The following CNTN4 variants were observed in gnomAD, a reference collection of about 807,000 sequenced individuals.
CNTN4 encodes the protein contactin 4, also known as contactin-4.
A neutral mutation model predicts 122.5 loss-of-function variants in CNTN4; 77 were observed. That is an observed-to-expected ratio of 0.63 (90% confidence interval 0.52 to 0.76). The LOEUF (loss-of-function observed/expected upper bound fraction) is 0.76. Ranked by LOEUF, CNTN4 falls within the 30% of genes least tolerant of loss-of-function variation. The pLI, the probability that CNTN4 is intolerant of heterozygous loss-of-function variation, is 0.00. For synonymous variants in CNTN4, 512 were observed against 447.0 expected, an observed-to-expected ratio of 1.15 and a Z score of -1.83; for missense variants, 1,256 against 1,259.1, an observed-to-expected ratio of 1.00 and a Z score of 0.04.
chr3:2,381,265 C>A (rs965665312), intron 3 of CNTN4, among the ~76,000 whole-genome samples: 1 of 152,178 alleles, frequency 6.6e-6, no homozygotes, highest in Non-Finnish European at 1.5e-5. Context: ...CTCGGCCTCC[C>A]AAAGTGCTGG....
intron 2 of CNTN4, among the ~76,000 whole-genome samples, chr3:2,334,004 C>T (rs183295929): frequency 1.1e-4 from 17 of 152,258 alleles, no homozygotes; most frequent in African/African-American, 4.1e-4. Context: ...AAGGAAAAGC[C>T]TGTTAAATAC....
intron 6 of CNTN4, among the ~76,000 whole-genome samples, chr3:2,799,304 T>G (rs1026797983): frequency 6.6e-6 from 1 of 152,184 alleles, no homozygotes; most frequent in Non-Finnish European, 1.5e-5. Context: ...TTCACTCTGT[T>G]GATTATTTCT....
At chr3:3,025,446 T>A (rs901068981) in intron 14 of CNTN4, among the ~76,000 whole-genome samples, 2 of 152,096 alleles carry the variant, frequency 1.3e-5, no homozygotes, top group Non-Finnish European at 2.9e-5. Flanking sequence ...GACAAAGGAA[T>A]AAACATGCCT....
chr3:2,958,359 A>T (rs2094821286), intron 13 of CNTN4, among the ~76,000 whole-genome samples: 1 of 152,182 alleles, frequency 6.6e-6, no homozygotes, highest in Non-Finnish European at 1.5e-5. Flanking sequence ...GACCCAGGCA[A>T]GGTAAGTTCT....
intron 23 of CNTN4, among the ~76,000 whole-genome samples, chr3:3,052,120 A>C (rs1172591910): frequency 6.6e-6 from 1 of 152,212 alleles, no homozygotes; most frequent in Non-Finnish European, 1.5e-5. Context: ...CATGATGCCT[A>C]TCCCATATTA....
intron 2 of CNTN4, among the ~76,000 whole-genome samples, chr3:2,144,615 C>T (rs1023563283): frequency 2.2e-4 from 34 of 152,132 alleles, no homozygotes; most frequent in African/African-American, 8.2e-4. Context: ...CACAATGACA[C>T]GGATTACCGA....
At chr3:2,867,427 CA>C (rs2093736472) in intron 8 of CNTN4, among the ~76,000 whole-genome samples, 1 of 152,082 alleles carries the variant, frequency 6.6e-6, no homozygotes, top group Non-Finnish European at 1.5e-5. Flanking sequence ...TTTAATTCCC[CA>C]CACTATTAGA....
At chr3:2,293,060 A>G (rs1305097985) in intron 2 of CNTN4, among the ~76,000 whole-genome samples, 1 of 152,182 alleles carries the variant, frequency 6.6e-6, no homozygotes, top group Non-Finnish European at 1.5e-5. Flanking sequence ...TAACATGCGT[A>G]TTGTTATTCT....
At chr3:2,813,488 T>C (rs1017266662) in intron 6 of CNTN4, among the ~76,000 whole-genome samples, 1 of 152,194 alleles carries the variant, frequency 6.6e-6, no homozygotes, top group Non-Finnish European at 1.5e-5. Context: ...TTTTTTTCTT[T>C]TCTCCCTTCT....
chr3:2,556,594 G>GTTTTATATATGTGTGCATATATAAA (rs1203042048), intron 3 of CNTN4, among the ~76,000 whole-genome samples: 35 of 152,014 alleles, frequency 2.3e-4, no homozygotes, highest in African/African-American at 4.3e-4. Context: ...GCCCTGGTAA[G>GTTTTATATATGTGTGCATATATAAA]TTTTATATAT....
chr3:2,335,684 T>TTTAA (rs1160129253), intron 2 of CNTN4, among the ~76,000 whole-genome samples: 36 of 151,882 alleles, frequency 2.4e-4, no homozygotes, highest in African/African-American at 8.7e-4. Flanking sequence ...GATGGGAAGT[T>TTTAA]TTAACTATGT....
At chr3:2,963,279 T>C (rs575445484) in intron 13 of CNTN4, among the ~76,000 whole-genome samples, 238 of 152,308 alleles carry the variant, frequency 1.6e-3, no homozygotes, top group African/African-American at 5.5e-3. Context: ...TCGTATTACC[T>C]CTTACTGAGA....
chr3:2,633,322 T>G (rs1030014944), intron 4 of CNTN4, among the ~76,000 whole-genome samples: 1 of 152,192 alleles, frequency 6.6e-6, no homozygotes, highest in African/African-American at 2.4e-5. Context: ...ATCAAGAACA[T>G]TTTAGGAACA....
chr3:2,170,106 G>A (rs1405167442), intron 2 of CNTN4, among the ~76,000 whole-genome samples: 6 of 151,878 alleles, frequency 4.0e-5, no homozygotes, highest in Admixed American at 2.0e-4. Flanking sequence ...AGGATCACAA[G>A]GTCAGGAGAT....
intron 2 of CNTN4, among the ~76,000 whole-genome samples, chr3:2,257,036 C>T (rs1439083477): frequency 2.6e-5 from 4 of 151,914 alleles, no homozygotes; most frequent in African/African-American, 7.2e-5. Context: ...TGACTTCAAA[C>T]TATACGACAA....
intron 3 of CNTN4, among the ~76,000 whole-genome samples, chr3:2,437,258 G>A (rs745391186): frequency 1.3e-5 from 2 of 152,128 alleles, no homozygotes; most frequent in South Asian, 2.1e-4. Context: ...CACTTTCATA[G>A]GTTTTTCCCT....
rs144041679 is a variant in CNTN4, at chr3:2,520,371, C to G, written c.-88-51045C>G. On this transcript the variant is annotated intron_variant, in intron 3 of 24. Coordinates refer to ENST00000418658, the MANE Select transcript of CNTN4 (RefSeq NM_175607.3). ...CACTGCAACATTCACCATCTGGGCT[C>G]AAGTGATTCTTGTGCCTCAGCCTCC... Among the ~76,000 whole-genome samples, 619 of 143,212 alleles carry G rather than the reference C, an allele frequency of 4.3e-3. 5 individuals are homozygous for G. The highest frequency in any genetic ancestry group is 0.015 in the African/African-American group (586 of 38,522). 94.0% of individuals were successfully genotyped at this position (143,212 alleles called of 152,430 possible). A position where few individuals can be genotyped will look rare whatever the true frequency, so the allele number is the denominator to read the frequency against.
At chr3:3,034,930 ACTG>A in intron 17 of CNTN4, 140 bp downstream of exon 17, 4 of 915,230 alleles carry the variant, frequency 4.4e-6, no homozygotes, top group Non-Finnish European at 7.1e-6. Flanking sequence ...ACCTCGGCCA[ACTG>A]TACTATCATT....
Position 2,224,183 on chromosome 3 carries a change from A to T in CNTN4, c.-144-114995A>T, listed in dbSNP as rs536735131. On this transcript the variant is annotated intron_variant, in intron 2 of 24. Transcript: ENST00000418658. ...TGCAGTTTCTTAGAATTACCAGCCA[A>T]ATGTATGCCAAAGAAATATATTTTA... Among the ~76,000 whole-genome samples the T allele has an allele frequency of 1.6e-4, 24 of 152,306 alleles. No homozygotes were observed. In the South Asian group the frequency reaches 4.8e-3, roughly 30 times the overall value.
Sources: allele counts gnomAD v4.1 joint callset (sites outside exome capture counted in the v4.1 genomes callset), GRCh38; gene constraint gnomAD v4.1.1; transcripts MANE v1.5; gene names NCBI Gene and HGNC (gene_info 2026-07-23, HGNC 2026-07-21).